ZGPAT: variants seen among roughly 807,000 people sequenced by gnomAD.
ZGPAT encodes the protein zinc finger CCCH-type with G patch domain-containing protein.
A neutral mutation model predicts 47.9 loss-of-function variants in ZGPAT; 39 were observed. The ratio of observed to expected loss-of-function variants is 0.81; its 90% CI spans 0.63 to 1.06. The LOEUF (loss-of-function observed/expected upper bound fraction) is 1.06. ZGPAT is among the 50% of genes least tolerant of loss of function. The probability of loss-of-function intolerance (pLI) is 0.00; values close to 1 mark genes in which losing one functional copy is unlikely to be tolerated. For missense variants in ZGPAT, 717 were observed against 681.4 expected (o/e 1.05, Z -0.58); for synonymous variants, 348 against 292.9 (o/e 1.19, Z -1.92).
intron 2 of ZGPAT, among the ~76,000 whole-genome samples, chr20:63,728,037 CT>C (rs11483917): frequency 1.9e-3 from 250 of 133,226 alleles, no homozygotes; most frequent in Admixed American, 2.0e-3. Context: ...TTTTTAAATT[CT>C]TTTTTTTTTT....
intron 2 of ZGPAT, among the ~76,000 whole-genome samples, chr20:63,716,144 C>T (rs1187017806): frequency 6.6e-6 from 1 of 152,102 alleles, no homozygotes; most frequent in East Asian, 1.9e-4. Context: ...ATTCTCCCAC[C>T]TCAGCCTCCC....
chr20:63,712,958 C>T (rs1326988096), intron 2 of ZGPAT, among the ~76,000 whole-genome samples: 1 of 152,164 alleles, frequency 6.6e-6, no homozygotes, highest in Non-Finnish European at 1.5e-5. Context: ...AATGAAGGAT[C>T]TGTCCATTTA....
At chr20:63,719,640 T>C (rs567635501) in intron 2 of ZGPAT, among the ~76,000 whole-genome samples, 3 of 152,062 alleles carry the variant, frequency 2.0e-5, no homozygotes, top group Non-Finnish European at 4.4e-5. Context: ...TAATTATCAC[T>C]TTACTAGTAT....
rs573726102 is a variant in ZGPAT, at chr20:63,734,917, G to A, written c.991+93G>A. ...GGTTCCCGGGGTCCCGCAGCCATCG[G>A]GTTCCCAGGGTCCCGCAGCCACAGC... On this transcript the variant is annotated intron_variant, in intron 5 of 6. Transcript: ENST00000355969. 1,600 of 1,440,054 alleles carry A rather than the reference G, an allele frequency of 1.1e-3. 4 individuals carry two copies. Among genetic ancestry groups the A allele is most frequent in the Middle Eastern group, 1.2e-3 (6 of 4,984 alleles). 89.2% of individuals were successfully genotyped at this position (1,440,054 alleles called of 1,614,324 possible).
chr20:63,711,926 T>C (rs894357657), intron 2 of ZGPAT, among the ~76,000 whole-genome samples: 1 of 152,190 alleles, frequency 6.6e-6, no homozygotes, highest in Admixed American at 6.5e-5. Flanking sequence ...CCTTATGAAG[T>C]ATATAGTTTG....
chr20:63,736,099 C>A lies in ZGPAT; in HGVS notation c.*180C>A. ...CTTGCCCACCTGCCAGTGTCTTGGG[C>A]ATTTCCTTGGCAAGGACATTAAAGT... On this transcript the variant is annotated 3_prime_UTR_variant, in exon 7 of 7. Transcript: ENST00000355969. 1.2e-6 allele frequency: 1 copy of A among 841,484 alleles called. No homozygotes were observed. The highest frequency in any genetic ancestry group is 1.8e-6 in the Non-Finnish European group (1 of 545,614). 52.1% of individuals were successfully genotyped at this position (841,484 alleles called of 1,614,324 possible).
chr20:63,735,577 C>A lies in ZGPAT; in HGVS notation c.1397+13C>A. The A allele has an allele frequency of 6.6e-7, 1 of 1,513,612 alleles. No individual in the cohort carries two copies. Among genetic ancestry groups the A allele is most frequent in the Non-Finnish European group, 8.8e-7 (1 of 1,132,752 alleles). 93.8% of individuals were successfully genotyped at this position (1,513,612 alleles called of 1,614,324 possible). ...GCAACGCTGGCCGGTACGTGTGGGG[C>A]CCAGCTCAGGGCAAAGGGCGACCCA... On this transcript the variant is annotated intron_variant, in intron 6 of 6. Coordinates refer to ENST00000355969, the MANE Select transcript of ZGPAT (RefSeq NM_181485.3).
intron 4 of ZGPAT, 96 bp downstream of exon 4, chr20:63,733,835 T>C: frequency 6.7e-7 from 1 of 1,498,150 alleles, no homozygotes; most frequent in South Asian, 1.3e-5. Flanking sequence ...ACCAAACTAT[T>C]GGAGAGTGTG....
chr20:63,716,031 TTC>T (rs1243642673), intron 2 of ZGPAT, among the ~76,000 whole-genome samples: 1 of 152,222 alleles, frequency 6.6e-6, no homozygotes, highest in Non-Finnish European at 1.5e-5. Flanking sequence ...TATTCAGATT[TTC>T]TGTTTCTTCT....
intron 2 of ZGPAT, among the ~76,000 whole-genome samples, chr20:63,723,812 T>C (rs1164276098): frequency 6.6e-6 from 1 of 152,284 alleles, no homozygotes; most frequent in Non-Finnish European, 1.5e-5. Flanking sequence ...GGCTTATGCC[T>C]TTAACTCCAG....
intron 2 of ZGPAT, among the ~76,000 whole-genome samples, chr20:63,731,492 T>C (rs929698623): frequency 9.4e-6 from 1 of 106,654 alleles, no homozygotes; most frequent in African/African-American, 2.7e-5. Context: ...GTGTGTAAAG[T>C]GTACAATTGG....
chr20:63,708,428 C>A, intron 1 of ZGPAT, 125 bp from the exon 2 acceptor site: 1 of 675,498 alleles, frequency 1.5e-6, no homozygotes, highest in East Asian at 3.0e-5. Flanking sequence ...GACCTCTGCG[C>A]TGGGAGCTGT....
Position 63,708,554 on chromosome 20 carries a change from C to G in ZGPAT, c.-27C>G, listed in dbSNP as rs893218452. The stretch of plus-strand genomic sequence containing the variant: ...CTCAGCTGGCTTCTCTTCTTGCAGC[C>G]CTGGTCCAGCGCCTCCCTCTCTCAG... On this transcript the variant is annotated splice_region_variant and 5_prime_UTR_variant, in exon 2 of 7. Transcript: ENST00000355969. 8 of 1,556,606 alleles carry G rather than the reference C, an allele frequency of 5.1e-6. No individual in the cohort carries two copies. In the African/African-American group the frequency reaches 1.1e-4, roughly 21 times the overall value.
intron 2 of ZGPAT, among the ~76,000 whole-genome samples, chr20:63,717,560 A>G (rs1247050394): frequency 7.7e-6 from 1 of 130,314 alleles, no homozygotes; most frequent in Non-Finnish European, 1.7e-5. Context: ...ACTGCATTCC[A>G]TAAGATTGTT....
At chr20:63,723,590 T>C (rs1278834332) in intron 2 of ZGPAT, among the ~76,000 whole-genome samples, 27 of 103,786 alleles carry the variant, frequency 2.6e-4, no homozygotes, top group Middle Eastern at 7.6e-3. Context: ...TCCTCTGACA[T>C]AGCTCCATCC....
At chr20:63,729,412 G>C (rs1230678348) in intron 2 of ZGPAT, among the ~76,000 whole-genome samples, 1 of 152,198 alleles carries the variant, frequency 6.6e-6, no homozygotes. Flanking sequence ...TTTGTTTTCA[G>C]GGTTAAGTCT....
chr20:63,715,533 C>T (rs960018936), intron 2 of ZGPAT, among the ~76,000 whole-genome samples: 12 of 152,258 alleles, frequency 7.9e-5, no homozygotes, highest in African/African-American at 2.2e-4. Flanking sequence ...GCCACCGCAG[C>T]GAGCCTTATC....
At chr20:63,724,783 C>T (rs2091826600) in intron 2 of ZGPAT, among the ~76,000 whole-genome samples, 1 of 149,212 alleles carries the variant, frequency 6.7e-6, no homozygotes, top group South Asian at 2.1e-4. Flanking sequence ...GAGTGATTTT[C>T]CTGCCTCAGC....
intron 2 of ZGPAT, among the ~76,000 whole-genome samples, chr20:63,714,365 G>A (rs1182767465): frequency 6.7e-6 from 1 of 149,494 alleles, no homozygotes; most frequent in East Asian, 2.0e-4. Context: ...GGCGGAGGTT[G>A]CAGTGAGCCA....
Sources: allele counts gnomAD v4.1 joint callset (sites outside exome capture counted in the v4.1 genomes callset), GRCh38; gene constraint gnomAD v4.1.1; transcripts MANE v1.5; gene names NCBI Gene and HGNC (gene_info 2026-07-23, HGNC 2026-07-21).